The following RECK variants were observed in gnomAD, a reference collection of about 807,000 sequenced individuals.
RECK encodes reversion inducing cysteine rich protein with kazal motifs, also known as reversion-inducing cysteine-rich protein with Kazal motifs.
Under a neutral mutation model 115.1 loss-of-function variants are expected in RECK, and 69 were observed. That is an observed-to-expected ratio of 0.60 (90% CI 0.49 to 0.73). The LOEUF (loss-of-function observed/expected upper bound fraction) is 0.73, where lower values mean the gene tolerates loss of function less well. Ranked by LOEUF, RECK falls within the 30% of genes least tolerant of loss-of-function variation. RECK has a pLI of 0.00. For synonymous variants in RECK, 414 were observed against 419.7 expected (o/e 0.99, Z 0.17); for missense variants, 1,047 against 1,203.7 (o/e 0.87, Z 1.93).
intron 16 of RECK, among the ~76,000 whole-genome samples, chr9:36,115,315 AAATAATAATAAT>A (rs10607815): frequency 1.3e-5 from 2 of 149,352 alleles, no homozygotes; most frequent in African/African-American, 2.5e-5. Context: ...ACTCTGTCTC[AAATAATAATAAT>A]AATAATAATA....
intron 13 of RECK, among the ~76,000 whole-genome samples, 195 bp downstream of exon 13, chr9:36,105,478 A>G (rs1823766914): frequency 6.6e-6 from 1 of 152,200 alleles, no homozygotes; most frequent in Non-Finnish European, 1.5e-5. Flanking sequence ...AACATGTATT[A>G]TTGATGTAAG....
chr9:36,117,109 A>G lies in RECK; in HGVS notation c.2185A>G (p.Met729Val). 1 of 1,614,188 alleles carries G rather than the reference A, an allele frequency of 6.2e-7. No individual in the cohort carries two copies. The highest frequency in any genetic ancestry group is 8.5e-7 in the Non-Finnish European group (1 of 1,179,998). ...VQDPVCDTDH[M>V]EHNNLCTLYQ... ...AGATCCTGTTTGTGACACAGACCACATGGAGCACAACAATCTCTGCACTTT... is the reference window on the plus strand; with the variant it reads ...AGATCCTGTTTGTGACACAGACCACGTGGAGCACAACAATCTCTGCACTTT... Residue 729 changes from methionine (M) to valine (V), a missense_variant, in exon 17 of 21, where the codon ATG becomes GTG. Physicochemically the swap from Met to Val is conservative, Grantham distance 21. Coordinates refer to ENST00000377966, the MANE Select transcript of RECK (RefSeq NM_021111.3).
At position 36,091,338 on chromosome 9, in the gene RECK, C is replaced by G; in HGVS notation, c.1080C>G (p.Asn360Lys). Reference protein sequence around the residue: ...CRNLTYCTNFNNRPTELFRSC... With the variant: ...CRNLTYCTNFKNRPTELFRSC... ...ACCTTACTTACTGTACTAATTTTAACAACAGGTAAGACAAATTATTATACA... is the reference window on the plus strand; with the variant it reads ...ACCTTACTTACTGTACTAATTTTAAGAACAGGTAAGACAAATTATTATACA... The change falls in exon 10 of 21, where the codon AAC becomes AAG. Residue 360 changes from asparagine to lysine, a missense_variant. Physicochemically the swap from Asn to Lys is moderately conservative, Grantham distance 94 (BLOSUM62 0). Coordinates refer to ENST00000377966, the MANE Select transcript of RECK (RefSeq NM_021111.3). 6.6e-7 allele frequency: 1 copy of G among 1,517,992 alleles called. No individual in the cohort carries two copies. 94.0% of individuals were successfully genotyped at this position (1,517,992 alleles called of 1,614,324 possible).
At chr9:36,108,680 A>G (rs1337141646) in intron 14 of RECK, among the ~76,000 whole-genome samples, 1 of 152,036 alleles carries the variant, frequency 6.6e-6, no homozygotes, top group Non-Finnish European at 1.5e-5. Flanking sequence ...AGTGAAACTC[A>G]GATTTTGACA....
chr9:36,106,942 A>T (rs1333560169), intron 13 of RECK, among the ~76,000 whole-genome samples: 1 of 151,620 alleles, frequency 6.6e-6, no homozygotes, highest in African/African-American at 2.4e-5. Flanking sequence ...ATCTCTACTA[A>T]TAATACAAAA....
chr9:36,048,134 TA>T (rs1256636087), intron 1 of RECK, among the ~76,000 whole-genome samples: 1 of 57,026 alleles, frequency 1.8e-5, no homozygotes, highest in African/African-American at 5.3e-5. Flanking sequence ...TGAATATATA[TA>T]TATATATATA....
intron 8 of RECK, among the ~76,000 whole-genome samples, chr9:36,086,758 C>A (rs1048062381): frequency 6.6e-6 from 1 of 152,216 alleles, no homozygotes; most frequent in Non-Finnish European, 1.5e-5. Context: ...AGAGGCCCAG[C>A]CGGCTTCACC....
At chr9:36,065,110 G>A (rs2093878) in intron 5 of RECK, among the ~76,000 whole-genome samples, 83,564 of 151,272 alleles carry the variant, frequency 0.55, 23,422 homozygotes, top group East Asian at 0.79. Flanking sequence ...TGCCCCCTCC[G>A]TTATATACTC....
chr9:36,092,831 CAG>C (rs1008047731), intron 10 of RECK, among the ~76,000 whole-genome samples: 29 of 151,428 alleles, frequency 1.9e-4, no homozygotes, highest in African/African-American at 7.0e-4. Context: ...AGTGAGACAT[CAG>C]AGTTTGGTCC....
Position 36,102,243 on chromosome 9 carries a change from T to C in RECK, c.1435+13T>C, listed in dbSNP as rs1587071051. ...GATACATACCTCAGTAAGTACTTTT[T>C]TGTATGTGTGTTTTTAGATTTCAAA... is the stretch of plus-strand genomic sequence containing the variant. On this transcript the variant is annotated intron_variant, in intron 12 of 20. Coordinates refer to ENST00000377966, the MANE Select transcript of RECK (RefSeq NM_021111.3). 1.3e-6 allele frequency: 2 copies of C among 1,584,624 alleles called. No individual in the cohort carries two copies. The highest frequency in any genetic ancestry group is 1.2e-5 in the South Asian group (1 of 85,980).
intron 1 of RECK, among the ~76,000 whole-genome samples, chr9:36,051,606 G>A (rs10972710): frequency 0.15 from 23,228 of 152,074 alleles, 3,552 homozygotes; most frequent in African/African-American, 0.38. Context: ...CGGTTAACCT[G>A]CCTTTCTGAC....
At chr9:36,049,571 C>T (rs994598748) in intron 1 of RECK, among the ~76,000 whole-genome samples, 1 of 152,182 alleles carries the variant, frequency 6.6e-6, no homozygotes, top group Non-Finnish European at 1.5e-5. Context: ...AAAGCTGGGC[C>T]TGGGCCACAT....
intron 4 of RECK, among the ~76,000 whole-genome samples, chr9:36,061,694 G>A (rs551473781): frequency 3.3e-5 from 5 of 152,296 alleles, no homozygotes; most frequent in Non-Finnish European, 5.9e-5. Context: ...TTTCCAACAT[G>A]TGAGGAACCT....
intron 16 of RECK, among the ~76,000 whole-genome samples, chr9:36,115,795 CTT>C: frequency 6.6e-6 from 1 of 152,132 alleles, no homozygotes; most frequent in East Asian, 1.9e-4. Context: ...TATGCTTCCT[CTT>C]TTATTTTATA....
chr9:36,085,212 G>C (rs139154652), intron 8 of RECK: 152 of 241,724 alleles, frequency 6.3e-4, no homozygotes, highest in African/African-American at 3.0e-3. Context: ...TATTACTTTT[G>C]TAATTAAAAA....
rs1564128766 is a variant in RECK at position 36,100,498 on chromosome 9, A to C, written c.1253A>C (p.Gln418Pro). The stretch of plus-strand genomic sequence containing the variant: ...TGGAAAGCAATAGCTTGTTCACTGC[A>C]GATTAAACCTTGTCATAGTAAATCT... The part of the protein sequence containing the change: ...EMWKAIACSL[Q>P]IKPCHSKSRG... The change falls in exon 11 of 21, where the codon CAG becomes CCG. Residue 418 changes from glutamine to proline, a missense_variant. Physicochemically the swap from Gln to Pro is moderately conservative, Grantham distance 76 (BLOSUM62 -1). Coordinates refer to ENST00000377966, the MANE Select transcript of RECK (RefSeq NM_021111.3). 3 of 1,614,054 alleles carry C rather than the reference A, an allele frequency of 1.9e-6. No individual in the cohort carries two copies. The highest frequency in any genetic ancestry group is 2.5e-6 in the Non-Finnish European group (3 of 1,180,014).
chr9:36,070,645 T>C (rs1208128099), intron 6 of RECK, among the ~76,000 whole-genome samples: 1 of 152,126 alleles, frequency 6.6e-6, no homozygotes, highest in Non-Finnish European at 1.5e-5. Context: ...TCACTGGAAA[T>C]GTTCAAGTAA....
chr9:36,097,956 T>C (rs923936743), intron 10 of RECK, among the ~76,000 whole-genome samples: 2 of 152,054 alleles, frequency 1.3e-5, no homozygotes, highest in Non-Finnish European at 2.9e-5. Context: ...ATCTCACTTA[T>C]ATGTGGAATC....
intron 14 of RECK, among the ~76,000 whole-genome samples, chr9:36,108,431 T>C (rs1587083021): frequency 6.6e-6 from 1 of 152,160 alleles, no homozygotes; most frequent in African/African-American, 2.4e-5. Context: ...TTACATTATC[T>C]CATTAAATCC....
Sources: gnomAD v4.1 joint callset for allele counts (sites outside exome capture counted in the v4.1 genomes callset) on GRCh38, gnomAD v4.1.1 for gene constraint, MANE v1.5 for transcripts, NCBI Gene and HGNC (gene_info 2026-07-23, HGNC 2026-07-21) for gene names.